TDP1: variants seen among roughly 807,000 people sequenced by gnomAD.
The protein encoded by TDP1 is tyr-DNA phosphodiesterase 1.
A neutral mutation model predicts 81.5 loss-of-function variants in TDP1; 64 were observed. The ratio of observed to expected loss-of-function variants is 0.79; its 90% CI spans 0.64 to 0.97. TDP1 has a LOEUF of 0.97. Ranked by LOEUF, TDP1 falls within the 50% of genes least tolerant of loss-of-function variation. The pLI is 0.00. For missense variants in TDP1, 723 were observed against 743.8 expected (o/e 0.97, Z 0.33); for synonymous variants, 256 against 264.3 (o/e 0.97, Z 0.30).
intron 14 of TDP1, among the ~76,000 whole-genome samples, chr14:90,015,029 A>AG (rs1349885570): frequency 6.6e-6 from 1 of 152,138 alleles, no homozygotes; most frequent in South Asian, 2.1e-4. Flanking sequence ...ACATCACTGG[A>AG]GGGGAACACT....
At chr14:89,992,416 T>C (rs1317825912) in intron 13 of TDP1, among the ~76,000 whole-genome samples, 1 of 152,168 alleles carries the variant, frequency 6.6e-6, no homozygotes, top group East Asian at 1.9e-4. Context: ...TTGTCAGAGT[T>C]CAGTAAATGC....
chr14:89,973,437 C>G (rs992531266), intron 6 of TDP1, among the ~76,000 whole-genome samples: 2 of 152,190 alleles, frequency 1.3e-5, no homozygotes, highest in Admixed American at 6.5e-5. Flanking sequence ...CATAGTGAGC[C>G]ACTTCTTCCA....
At chr14:89,986,742 A>G (rs1320910828) in intron 10 of TDP1, among the ~76,000 whole-genome samples, 1 of 152,244 alleles carries the variant, frequency 6.6e-6, no homozygotes, top group East Asian at 1.9e-4. Flanking sequence ...TTGTCGGTTC[A>G]GCTCTGTTTC....
chr14:89,974,542 C>T (rs1894040434), intron 6 of TDP1, among the ~76,000 whole-genome samples: 1 of 152,150 alleles, frequency 6.6e-6, no homozygotes, highest in Non-Finnish European at 1.5e-5. Flanking sequence ...CCATTACTGC[C>T]CCCAGCAAAG....
At chr14:90,004,301 A>G (rs1165158440) in intron 14 of TDP1, among the ~76,000 whole-genome samples, 1 of 152,212 alleles carries the variant, frequency 6.6e-6, no homozygotes, top group Non-Finnish European at 1.5e-5. Flanking sequence ...ATTGCTAGTC[A>G]CTAAGTGCAC....
At chr14:89,986,949 A>G (rs1895637725) in intron 10 of TDP1, 1 of 152,258 alleles carries the variant, frequency 6.6e-6, no homozygotes. Flanking sequence ...ATTTAAGTGG[A>G]TACAGTTTCC....
chr14:90,018,342 TAA>T (rs1885562302), intron 14 of TDP1, among the ~76,000 whole-genome samples: 1 of 152,322 alleles, frequency 6.6e-6, no homozygotes, highest in African/African-American at 2.4e-5. Context: ...CATTCGCTTA[TAA>T]AAAGAGTCTC....
intron 14 of TDP1, among the ~76,000 whole-genome samples, chr14:89,994,569 A>T (rs973447949): frequency 1.3e-5 from 2 of 152,228 alleles, no homozygotes; most frequent in Non-Finnish European, 2.9e-5. Flanking sequence ...CTTTTTCTAA[A>T]GGCAAAGTTT....
intron 7 of TDP1, 79 bp from the exon 8 acceptor site, chr14:89,980,461 G>A (rs1045389077): frequency 2.7e-5 from 40 of 1,467,328 alleles, no homozygotes; most frequent in African/African-American, 1.1e-4. Flanking sequence ...CTTTAGCTAT[G>A]TATTACATTT....
intron 14 of TDP1, among the ~76,000 whole-genome samples, chr14:90,017,438 C>T (rs1030179676): frequency 6.6e-6 from 1 of 152,100 alleles, no homozygotes; most frequent in Non-Finnish European, 1.5e-5. Flanking sequence ...TTCTAAGGTT[C>T]CAAATGCTTA....
At chr14:90,018,835 T>C (rs1885624863) in intron 14 of TDP1, 2 of 230,270 alleles carry the variant, frequency 8.7e-6, no homozygotes, top group Non-Finnish European at 1.4e-5. Flanking sequence ...TAACAGTCTT[T>C]GCCCTCAGAG....
intron 15 of TDP1, among the ~76,000 whole-genome samples, chr14:90,030,219 CCCCTCCTCTGTGTCTTCCCTGTCA>C (rs1887126826): frequency 6.6e-6 from 1 of 152,172 alleles, no homozygotes; most frequent in African/African-American, 2.4e-5. Context: ...CTTCCCTGTC[CCCCTCCTCTGTGTCTTCCCTGTCA>C]CCCTCCTCTG....
chr14:89,968,831 T>G, intron 5 of TDP1, among the ~76,000 whole-genome samples: 1 of 152,222 alleles, frequency 6.6e-6, no homozygotes, highest in Non-Finnish European at 1.5e-5. Context: ...TGTTATGAGT[T>G]AAATTATCTC....
In TDP1 at chr14:89,980,759, AAG is replaced by A. The variant is rs1894886286; in HGVS notation, c.884+130_884+131del. On this transcript the variant is annotated intron_variant, in intron 8 of 16. Coordinates refer to ENST00000335725, the MANE Select transcript of TDP1 (RefSeq NM_018319.4). ...AAAAATAACACACATGGCCTAGAAA[AAG>A]AGTTGTATGCAGAAAAAGTTACTGT... The A allele has an allele frequency of 6.2e-6, 5 of 806,910 alleles. No homozygotes were observed. In the Admixed American group the frequency reaches 6.7e-5, roughly 11 times the overall value. The allele number at this position is 806,910 out of a possible 1,614,324, so 50.0% of individuals were successfully genotyped here. A position where few individuals can be genotyped will look rare whatever the true frequency, so the allele number is the denominator to read the frequency against.
Position 90,043,457 on chromosome 14 carries a change from A to AT in TDP1, c.*321dup, listed in dbSNP as rs1217772205. ...GGACCAGAAGTGTTTCAGCTTTTGG[A>AT]TTTTTTTGAATTTTGGAATATTTGC... is the stretch of plus-strand genomic sequence containing the variant. On this transcript the variant is annotated 3_prime_UTR_variant, in exon 17 of 17. Coordinates refer to ENST00000335725, the MANE Select transcript of TDP1 (RefSeq NM_018319.4). 20 of 443,128 alleles carry AT rather than the reference A, an allele frequency of 4.5e-5. No homozygotes were observed. The highest frequency in any genetic ancestry group is 3.0e-4 in the Admixed American group (8 of 26,720). 27.4% of individuals were successfully genotyped at this position (443,128 alleles called of 1,614,324 possible).
chr14:89,980,694 C>A, intron 8 of TDP1, 62 bp downstream of exon 8: 5 of 1,302,050 alleles, frequency 3.8e-6, no homozygotes, highest in South Asian at 3.7e-5. Context: ...AAAGCCAGAA[C>A]ATTCACTTTA....
intron 9 of TDP1, 43 bp downstream of exon 9, chr14:89,984,726 AT>A (rs775927940): frequency 6.2e-7 from 1 of 1,609,058 alleles, no homozygotes; most frequent in Non-Finnish European, 8.5e-7. Flanking sequence ...TGATAGGCTT[AT>A]ACCTTGGGAG....
At chr14:90,028,067 T>C (rs1224090053) in intron 15 of TDP1, among the ~76,000 whole-genome samples, 1 of 152,230 alleles carries the variant, frequency 6.6e-6, no homozygotes, top group Non-Finnish European at 1.5e-5. Flanking sequence ...AACAGCCCTT[T>C]GCTTATCAAA....
At chr14:90,008,419 C>A (rs1396281759) in intron 14 of TDP1, among the ~76,000 whole-genome samples, 1 of 152,214 alleles carries the variant, frequency 6.6e-6, no homozygotes, top group East Asian at 1.9e-4. Flanking sequence ...TTCTTGGATA[C>A]CATATGTTTC....
Sources: allele counts gnomAD v4.1 joint callset (sites outside exome capture counted in the v4.1 genomes callset), GRCh38; gene constraint gnomAD v4.1.1; transcripts MANE v1.5; gene names NCBI Gene and HGNC (gene_info 2026-07-23, HGNC 2026-07-21).